Variants in PRKCE observed in about 807,000 individuals in gnomAD.
PRKCE encodes protein kinase C epsilon.
In PRKCE, 16 loss-of-function variants were observed where a neutral mutation model predicts 85.4. That is an observed-to-expected ratio of 0.19 (90% CI 0.13 to 0.28). PRKCE has a LOEUF of 0.28. Ranked by LOEUF, PRKCE falls within the 10% of genes least tolerant of loss-of-function variation. The probability of loss-of-function intolerance (pLI) is 1.00; values close to 1 mark genes in which losing one functional copy is unlikely to be tolerated. For missense variants in PRKCE, 573 were observed against 975.2 expected (o/e 0.59, Z 5.49); for synonymous variants, 388 against 371.5 (o/e 1.04, Z -0.51).
At position 46,068,960 on chromosome 2, in the gene PRKCE, C is replaced by T. The variant is rs1025551022; in HGVS notation, c.1438-17248C>T. Among the ~76,000 whole-genome samples the T allele has an allele frequency of 3.3e-5, 5 of 152,154 alleles. No individual in the cohort carries two copies. The highest frequency in any genetic ancestry group is 1.9e-4 in the East Asian group (1 of 5,200). On this transcript the variant is annotated intron_variant, in intron 10 of 14. Transcript: ENST00000306156. This position sits in a 1 kb window ranked among gnomAD's most constrained non-coding sequence, Gnocchi z 4.3. ...GAGCCTCTTAGAAATGCAGGATTTC[C>T]GGTCCCAACTTAGACCTGCAGAATC...
At chr2:45,947,211 A>C (rs1700300094) in intron 2 of PRKCE, among the ~76,000 whole-genome samples, 1 of 152,260 alleles carries the variant, frequency 6.6e-6, no homozygotes, top group Non-Finnish European at 1.5e-5. Flanking sequence ...GAAAGATGCC[A>C]GTTGCAAAAG....
At chr2:45,735,357 A>G (rs1681965354) in intron 1 of PRKCE, among the ~76,000 whole-genome samples, 1 of 152,226 alleles carries the variant, frequency 6.6e-6, no homozygotes, top group Non-Finnish European at 1.5e-5. Flanking sequence ...TTAGTTGCAA[A>G]AAGGAACAAT....
chr2:45,958,190 C>CAAAAAAAAAAA (rs60711691), intron 2 of PRKCE, among the ~76,000 whole-genome samples: 1 of 110,102 alleles, frequency 9.1e-6, no homozygotes, highest in African/African-American at 3.5e-5. Context: ...ATTAGGCCCG[C>CAAAAAAAAAAA]AAAAAAAAAA....
intron 10 of PRKCE, among the ~76,000 whole-genome samples, chr2:46,033,406 A>G (rs1297512186): frequency 6.6e-6 from 1 of 152,102 alleles, no homozygotes; most frequent in African/African-American, 2.4e-5. Flanking sequence ...TCAGTTGACT[A>G]TTGCATTGTC....
intron 11 of PRKCE, among the ~76,000 whole-genome samples, chr2:46,092,725 C>T (rs943999522): frequency 6.6e-5 from 10 of 152,132 alleles, no homozygotes; most frequent in African/African-American, 2.2e-4. Context: ...CTGTGCCCTC[C>T]AAACCAGGCC....
intron 2 of PRKCE, among the ~76,000 whole-genome samples, chr2:45,936,406 C>T (rs905756645): frequency 6.6e-6 from 1 of 152,240 alleles, no homozygotes; most frequent in Admixed American, 6.5e-5. Flanking sequence ...GGTTTTGAAT[C>T]ACTCAAGGAC....
chr2:45,868,021 G>T (rs372956067), intron 2 of PRKCE, among the ~76,000 whole-genome samples: 2 of 152,004 alleles, frequency 1.3e-5, no homozygotes, highest in East Asian at 1.9e-4. Context: ...TTCCCGCCAG[G>T]TTTTTCTATG....
chr2:46,169,041 C>T (rs560293201), intron 14 of PRKCE, among the ~76,000 whole-genome samples: 4 of 152,338 alleles, frequency 2.6e-5, no homozygotes, highest in South Asian at 4.1e-4. Context: ...GGGCTCAGCC[C>T]TCCAGCCAGA....
chr2:46,128,606 A>C (rs919825295), intron 11 of PRKCE, among the ~76,000 whole-genome samples: 1 of 152,196 alleles, frequency 6.6e-6, no homozygotes, highest in Non-Finnish European at 1.5e-5. Flanking sequence ...CTGTCTTGCT[A>C]TTCCTTAAGT....
At chr2:45,992,449 TCTC>T (rs751385593) in intron 6 of PRKCE, among the ~76,000 whole-genome samples, 22 of 152,140 alleles carry the variant, frequency 1.4e-4, no homozygotes, top group Non-Finnish European at 2.6e-4. Context: ...TTACCTCCTT[TCTC>T]CTCATTCTGC....
intron 1 of PRKCE, among the ~76,000 whole-genome samples, chr2:45,712,861 A>G (rs529956845): frequency 1.3e-5 from 2 of 152,160 alleles, no homozygotes; most frequent in East Asian, 1.9e-4. Flanking sequence ...GAGGGCGGGG[A>G]CCATGTGTCA....
At chr2:45,809,954 G>T (rs1266922779) in intron 1 of PRKCE, among the ~76,000 whole-genome samples, 1 of 152,062 alleles carries the variant, frequency 6.6e-6, no homozygotes. Context: ...GGTCACCTAG[G>T]CTCCTTTATC....
intron 10 of PRKCE, among the ~76,000 whole-genome samples, chr2:46,057,202 C>T (rs1666666210): frequency 6.6e-6 from 1 of 152,126 alleles, no homozygotes; most frequent in Non-Finnish European, 1.5e-5. Flanking sequence ...GTGGAAGATC[C>T]ACTGTCTTCA....
intron 1 of PRKCE, among the ~76,000 whole-genome samples, chr2:45,710,413 A>G (rs557381981): frequency 1.7e-4 from 26 of 152,190 alleles, no homozygotes; most frequent in Non-Finnish European, 3.5e-4. Flanking sequence ...CATCCTCCAG[A>G]GTCTCTAATA....
chr2:45,685,509 G>C (rs920721703), intron 1 of PRKCE: 3 of 152,118 alleles, frequency 2.0e-5, no homozygotes, highest in African/African-American at 7.2e-5. Flanking sequence ...AACAAAACAG[G>C]CCAGGTGTGG....
intron 1 of PRKCE, among the ~76,000 whole-genome samples, chr2:45,654,519 C>T (rs1022154436): frequency 6.6e-6 from 1 of 152,202 alleles, no homozygotes; most frequent in Admixed American, 6.5e-5. Flanking sequence ...CGCCTGTTGC[C>T]CATGGCTTGT....
chr2:46,118,967 A>G (rs1673049122), intron 11 of PRKCE, among the ~76,000 whole-genome samples: 1 of 152,138 alleles, frequency 6.6e-6, no homozygotes, highest in African/African-American at 2.4e-5. Flanking sequence ...TGGAGACTAA[A>G]TGGGTTAGAA....
At chr2:45,963,752 T>C (rs1701542462) in intron 2 of PRKCE, among the ~76,000 whole-genome samples, 1 of 152,236 alleles carries the variant, frequency 6.6e-6, no homozygotes, top group Non-Finnish European at 1.5e-5. Flanking sequence ...CTGGTCAGCA[T>C]TCTGGGCGCC....
At chr2:46,070,597 C>A (rs1275245346) in intron 10 of PRKCE, among the ~76,000 whole-genome samples, 1 of 151,666 alleles carries the variant, frequency 6.6e-6, no homozygotes, top group Non-Finnish European at 1.5e-5. Context: ...GAGCTGAGAT[C>A]ATGCCACTGC....
Sources: allele counts gnomAD v4.1 joint callset (sites outside exome capture counted in the v4.1 genomes callset), GRCh38; gene constraint gnomAD v4.1.1; non-coding constraint Gnocchi (gnomAD v3.1); transcripts MANE v1.5; gene names NCBI Gene and HGNC (gene_info 2026-07-23, HGNC 2026-07-21).